The following JAM2 variants were observed in gnomAD, a reference collection of about 807,000 sequenced individuals.
JAM2 encodes the protein junctional adhesion molecule 2.
JAM2 carries 17 observed loss-of-function variants against 42.0 expected under a neutral mutation model. That is an observed-to-expected ratio of 0.40 (90% confidence interval 0.28 to 0.61). The LOEUF is 0.61. JAM2 is among the 20% of genes least tolerant of loss of function. The pLI is 0.37. For synonymous variants in JAM2, 118 were observed against 128.6 expected (o/e 0.92, Z 0.56); for missense variants, 319 against 358.3 (o/e 0.89, Z 0.89).
At chr21:25,668,246 G>A (rs2033271499) in intron 1 of JAM2, among the ~76,000 whole-genome samples, 1 of 152,208 alleles carries the variant, frequency 6.6e-6, no homozygotes, top group Non-Finnish European at 1.5e-5. Context: ...CTGGGGAAAT[G>A]AAGAACCAGT....
intron 1 of JAM2, among the ~76,000 whole-genome samples, chr21:25,660,782 AT>A (rs869192568): frequency 1.2e-3 from 50 of 41,272 alleles, no homozygotes; most frequent in African/African-American, 5.2e-3. Flanking sequence ...ATATATATAT[AT>A]TTTTTTTTTT....
rs1247243006 is a variant in JAM2, at chr21:25,695,442, C to A, written c.394+1534C>A. ...TCCCCACATTTCCCCCTTTTCTATT[C>A]GACAAAACCGCCATCGTCATCATGG... On this transcript the variant is annotated intron_variant, in intron 4 of 9. Transcript: ENST00000480456. Among the ~76,000 whole-genome samples the A allele has an allele frequency of 2.0e-5, 3 of 152,336 alleles. No homozygotes were observed. In the South Asian group the frequency reaches 6.2e-4, roughly 32 times the overall value.
At chr21:25,676,300 A>G (rs1446950069) in intron 1 of JAM2, among the ~76,000 whole-genome samples, 6 of 141,288 alleles carry the variant, frequency 4.2e-5, no homozygotes, top group East Asian at 2.1e-4. Flanking sequence ...AAAAAAAAAA[A>G]AAAGAAAAAG....
chr21:25,681,949 T>A (rs1601028961), intron 1 of JAM2, among the ~76,000 whole-genome samples: 1 of 152,254 alleles, frequency 6.6e-6, no homozygotes, highest in Non-Finnish European at 1.5e-5. Context: ...GCCACTGCAC[T>A]CCAGCCTGGG....
chr21:25,697,005 C>CCATTTTT (rs1568914092), intron 4 of JAM2, among the ~76,000 whole-genome samples: 1 of 144,214 alleles, frequency 6.9e-6, no homozygotes, highest in Non-Finnish European at 1.5e-5. Flanking sequence ...AGGCACACAC[C>CCATTTTT]TATTTTTTTT....
intron 1 of JAM2, among the ~76,000 whole-genome samples, chr21:25,669,076 TA>T (rs1337434656): frequency 6.6e-6 from 1 of 152,098 alleles, no homozygotes; most frequent in Non-Finnish European, 1.5e-5. Context: ...TCATTACCTT[TA>T]AAAAGGTAGG....
intron 1 of JAM2, 30 bp from the exon 2 acceptor site, chr21:25,683,853 T>C (rs746924955): frequency 6.7e-7 from 1 of 1,499,746 alleles, no homozygotes; most frequent in Admixed American, 1.8e-5. Flanking sequence ...TTGTATAATT[T>C]TAATTATCCT....
intron 5 of JAM2, among the ~76,000 whole-genome samples, chr21:25,701,816 T>G (rs955597466): frequency 1.3e-5 from 2 of 152,126 alleles, no homozygotes; most frequent in African/African-American, 4.8e-5. Context: ...CCTTCATTTA[T>G]AAATGATGTT....
chr21:25,696,826 C>G (rs903295596), intron 4 of JAM2, among the ~76,000 whole-genome samples: 2 of 152,118 alleles, frequency 1.3e-5, no homozygotes, highest in Admixed American at 1.3e-4. Flanking sequence ...GTTACATGGT[C>G]CCTTCCATCT....
At position 25,715,286 on chromosome 21, in the gene JAM2, A is replaced by C. The variant is rs1159803132; in HGVS notation, c.*614A>C. ...AAGAAATGCCTAATGGCTGGAGCCC[A>C]CAGGTGTGCACCACAGGATTTGCCT... On this transcript the variant is annotated 3_prime_UTR_variant, in exon 10 of 10. Transcript: ENST00000480456. 6.6e-6 allele frequency: 1 copy of C among 152,266 alleles called. No individual in the cohort carries two copies. The highest frequency in any genetic ancestry group is 2.4e-5 in the African/African-American group (1 of 41,464). The allele number at this position is 152,266 out of a possible 1,614,324, so 9.4% of individuals were successfully genotyped here. A position where few individuals can be genotyped will look rare whatever the true frequency, so the allele number is the denominator to read the frequency against.
chr21:25,683,214 T>A (rs1416064055), intron 1 of JAM2, among the ~76,000 whole-genome samples: 1 of 152,064 alleles, frequency 6.6e-6, no homozygotes, highest in Non-Finnish European at 1.5e-5. Context: ...TCTGTGTTAG[T>A]TTAAGGGAGT....
In JAM2 at chr21:25,682,974, G is replaced by A. The variant is rs143877932; in HGVS notation, c.68-909G>A. Reference sequence around the variant, plus strand: ...TGTCTGCTTGTCTCCTCATCTCCTCGCCTGCTCATCTGCTTCTAGAACCTG... The same window carrying A: ...TGTCTGCTTGTCTCCTCATCTCCTCACCTGCTCATCTGCTTCTAGAACCTG... On this transcript the variant is annotated intron_variant, in intron 1 of 9. Transcript: ENST00000480456. 9.7e-4 allele frequency among the ~76,000 whole-genome samples: 148 copies of A among 151,940 alleles called. 1 individual carries two copies. The highest frequency in any genetic ancestry group is 7.2e-3 in the Admixed American group (110 of 15,240).
At chr21:25,675,750 C>A (rs1283811346) in intron 1 of JAM2, among the ~76,000 whole-genome samples, 1 of 152,074 alleles carries the variant, frequency 6.6e-6, no homozygotes, top group Non-Finnish European at 1.5e-5. Context: ...TCATGAGAAA[C>A]TGCTCCCATG....
At chr21:25,675,501 A>C (rs1400237121) in intron 1 of JAM2, among the ~76,000 whole-genome samples, 2 of 151,210 alleles carry the variant, frequency 1.3e-5, no homozygotes, top group Non-Finnish European at 3.0e-5. Context: ...GTCTCAGAAA[A>C]AGAAAGAGAG....
At chr21:25,712,946 C>G (rs1223066771) in intron 9 of JAM2, among the ~76,000 whole-genome samples, 1 of 152,174 alleles carries the variant, frequency 6.6e-6, no homozygotes, top group East Asian at 1.9e-4. Context: ...GTTTTGGAGG[C>G]CAGGAAGTCC....
intron 2 of JAM2, among the ~76,000 whole-genome samples, chr21:25,688,886 G>GA (rs1241331703): frequency 1.3e-5 from 2 of 152,006 alleles, no homozygotes; most frequent in African/African-American, 4.8e-5. Flanking sequence ...GCCTTGTGGG[G>GA]AAAAAAGTAT....
intron 7 of JAM2, among the ~76,000 whole-genome samples, chr21:25,706,733 A>C (rs533795824): frequency 1.3e-3 from 200 of 152,040 alleles, no homozygotes; most frequent in Non-Finnish European, 2.4e-3. Context: ...GCATGTTTTT[A>C]AGATTTTTTT....
intron 1 of JAM2, among the ~76,000 whole-genome samples, chr21:25,669,397 G>GA (rs1568897675): frequency 1.6e-5 from 2 of 123,380 alleles, no homozygotes; most frequent in South Asian, 2.8e-4. Flanking sequence ...AAGAAAAAAA[G>GA]AAAAAAAAAG....
At chr21:25,683,719 T>G (rs2033688308) in intron 1 of JAM2, among the ~76,000 whole-genome samples, 164 bp from the exon 2 acceptor site, 1 of 152,192 alleles carries the variant, frequency 6.6e-6, no homozygotes, top group Non-Finnish European at 1.5e-5. Context: ...ATGTATAGTT[T>G]CATTTGCTTT....
Sources: gnomAD v4.1 joint callset for allele counts (sites outside exome capture counted in the v4.1 genomes callset) on GRCh38, gnomAD v4.1.1 for gene constraint, MANE v1.5 for transcripts, NCBI Gene and HGNC (gene_info 2026-07-23, HGNC 2026-07-21) for gene names.